Variants in ERCC6L2 observed in about 807,000 individuals in gnomAD.
The protein encoded by ERCC6L2 is ERCC excision repair 6 like 2, also known as DNA excision repair protein ERCC-6-like 2.
A neutral mutation model predicts 132.0 loss-of-function variants in ERCC6L2; 77 were observed. The observed-to-expected ratio is 0.58, with a 90% CI of 0.49 to 0.71. The LOEUF is 0.71. Among genes scored for constraint, ERCC6L2 ranks in the 30% least tolerant of loss-of-function variants. The pLI, the probability that ERCC6L2 is intolerant of heterozygous loss-of-function variation, is 0.00. For missense variants in ERCC6L2, 1,542 were observed against 1,837.6 expected (o/e 0.84, Z 2.94); for synonymous variants, 583 against 632.4 (o/e 0.92, Z 1.17).
chr9:95,889,535 C>T (rs890944242), intron 2 of ERCC6L2, among the ~76,000 whole-genome samples: 13 of 151,972 alleles, frequency 8.6e-5, no homozygotes, highest in African/African-American at 2.7e-4. Flanking sequence ...CTGTAAAATG[C>T]ACAGATCTCA....
chr9:95,913,381 G>T (rs1272389977), intron 4 of ERCC6L2, among the ~76,000 whole-genome samples: 1 of 152,174 alleles, frequency 6.6e-6, no homozygotes, highest in East Asian at 1.9e-4. Context: ...AATTTTTGGA[G>T]TAAGAAGTTA....
intron 11 of ERCC6L2, among the ~76,000 whole-genome samples, chr9:95,940,991 A>G (rs148943853): frequency 9.9e-5 from 15 of 152,126 alleles, no homozygotes; most frequent in Non-Finnish European, 1.9e-4. Context: ...TAGCCTGCCT[A>G]TCTTCTCTGT....
chr9:96,004,283 A>G (rs941013434), intron 17 of ERCC6L2, among the ~76,000 whole-genome samples: 27 of 152,208 alleles, frequency 1.8e-4, no homozygotes, highest in African/African-American at 6.3e-4. Flanking sequence ...AGTCTTGACA[A>G]TGGAAATAAC....
rs754398577 is a variant in ERCC6L2 at position 96,014,792 on chromosome 9, C to G, written c.*1589C>G. On this transcript the variant is annotated 3_prime_UTR_variant, in exon 19 of 19. Coordinates refer to ENST00000653738, the MANE Select transcript of ERCC6L2 (RefSeq NM_020207.7). ...AGACTTACCAGATGGTATGTTTTGC[C>G]ATTGAGGGGCCTTCTACACAATGAG... 2.6e-5 allele frequency among the ~76,000 whole-genome samples: 4 copies of G among 152,090 alleles called. No individual in the cohort carries two copies.
intron 11 of ERCC6L2, among the ~76,000 whole-genome samples, chr9:95,934,218 C>G (rs1365486390): frequency 6.6e-6 from 1 of 152,108 alleles, no homozygotes; most frequent in East Asian, 1.9e-4. Context: ...AAAAATTTAT[C>G]ATCGTTGTCT....
chr9:96,033,920 C>T (rs77833128), intron 19 of ERCC6L2, among the ~76,000 whole-genome samples: 3 of 152,344 alleles, frequency 2.0e-5, no homozygotes, highest in African/African-American at 7.2e-5. Context: ...AGACCATCAC[C>T]TGCCTGGTGC....
intron 2 of ERCC6L2, among the ~76,000 whole-genome samples, chr9:95,882,875 A>G (rs925658568): frequency 6.6e-6 from 1 of 152,190 alleles, no homozygotes; most frequent in African/African-American, 2.4e-5. Flanking sequence ...CGTTTATTCC[A>G]CAAACTATCA....
Position 96,015,015 on chromosome 9 carries a change from G to GTTTTTTTTTTTTTTTTTTTTTTTTT in ERCC6L2, c.*1813_*1837dup. Reference sequence around the variant, plus strand: ...GCTCTATAGTCTTCATATATGTACAGTTTTTTTTTTTTTTTTTTTTTTTTT... The same window carrying GTTTTTTTTTTTTTTTTTTTTTTTTT: ...GCTCTATAGTCTTCATATATGTACAGTTTTTTTTTTTTTTTTTTTTTTTTTTTTTTTTTTTTTTTTTTTTTTTTTT... On this transcript the variant is annotated 3_prime_UTR_variant, in exon 19 of 19. Coordinates refer to ENST00000653738, the MANE Select transcript of ERCC6L2 (RefSeq NM_020207.7). 1.5e-5 allele frequency among the ~76,000 whole-genome samples: 1 copy of GTTTTTTTTTTTTTTTTTTTTTTTTT among 65,426 alleles called. No homozygotes were observed. Among genetic ancestry groups the GTTTTTTTTTTTTTTTTTTTTTTTTT allele is most frequent in the Non-Finnish European group, 2.6e-5 (1 of 37,998 alleles). The allele number at this position is 65,426 out of a possible 152,430, so 42.9% of individuals were successfully genotyped here. A position where few individuals can be genotyped will look rare whatever the true frequency, so the allele number is the denominator to read the frequency against.
intron 4 of ERCC6L2, 147 bp from the exon 5 acceptor site, chr9:95,915,521 A>C (rs181662770): frequency 1.3e-6 from 1 of 749,994 alleles, no homozygotes; most frequent in Non-Finnish European, 2.1e-6. Flanking sequence ...CCATTTAACT[A>C]AGTGGGTAAG....
At chr9:95,901,384 A>G (rs1374383228) in intron 3 of ERCC6L2, among the ~76,000 whole-genome samples, 4 of 152,148 alleles carry the variant, frequency 2.6e-5, no homozygotes, top group Non-Finnish European at 5.9e-5. Context: ...TTTAGAAAAT[A>G]TATATACAGT....
rs142906169 is a variant in ERCC6L2, at chr9:95,907,196, G to A, written c.713G>A (p.Arg238His). Residue 238 changes from arginine to histidine, a missense_variant, in exon 4 of 19, where the codon CGT becomes CAT. By Grantham distance (29) the Arg-to-His change is conservative (BLOSUM62 0). Transcript: ENST00000653738. ...HGNRKDNELI[R>H]VKQRKCEIAL... ...AACAGAAAAGATAATGAATTAATTC[G>A]TGTAAAGCAGAGGAAATGTGAAATT... 30 of 1,613,344 alleles carry A rather than the reference G, an allele frequency of 1.9e-5. No homozygotes were observed. The highest frequency in any genetic ancestry group is 1.2e-4 in the African/African-American group (9 of 74,870).
At chr9:95,982,625 G>A (rs751624162) in intron 17 of ERCC6L2, among the ~76,000 whole-genome samples, 2 of 151,866 alleles carry the variant, frequency 1.3e-5, no homozygotes, top group Non-Finnish European at 2.9e-5. Flanking sequence ...TTTTCTTTTT[G>A]TAGCTAGACA....
At chr9:96,041,025 CTT>C (rs765316790) in intron 20 of ERCC6L2, among the ~76,000 whole-genome samples, 2 of 152,180 alleles carry the variant, frequency 1.3e-5, no homozygotes, top group Non-Finnish European at 2.9e-5. Context: ...ACAAGATAAT[CTT>C]TGTCTACCAA....
At chr9:95,916,102 CTG>C in intron 5 of ERCC6L2, 123 bp from the exon 6 acceptor site, 1 of 929,900 alleles carries the variant, frequency 1.1e-6, no homozygotes, top group South Asian at 1.7e-5. Context: ...AAAGAACATT[CTG>C]TTTTCTTGGC....
chr9:95,987,745 C>T (rs541400912), intron 17 of ERCC6L2, among the ~76,000 whole-genome samples: 35 of 152,320 alleles, frequency 2.3e-4, no homozygotes, highest in Non-Finnish European at 4.4e-4. Flanking sequence ...CTCCACTAGG[C>T]AGTGCCCTAT....
chr9:95,905,838 G>A (rs1829007766), intron 3 of ERCC6L2, among the ~76,000 whole-genome samples: 3 of 152,158 alleles, frequency 2.0e-5, no homozygotes, highest in Non-Finnish European at 4.4e-5. Context: ...GCAGAATTTA[G>A]AGCAGTATTG....
chr9:95,928,190 A>C, intron 10 of ERCC6L2, 40 bp downstream of exon 10: 22 of 1,420,814 alleles, frequency 1.5e-5, no homozygotes, highest in Non-Finnish European at 2.0e-5. Context: ...GGCCAGCCTC[A>C]ACTTTTGAGG....
chr9:95,978,141 T>C lies in ERCC6L2; in HGVS notation c.3418T>C (p.Trp1140Arg). The change falls in exon 17 of 19, where the codon TGG (tryptophan) becomes CGG (arginine). Residue 1140 changes from tryptophan (W) to arginine (R), a missense_variant. Coordinates refer to ENST00000653738, the MANE Select transcript of ERCC6L2 (RefSeq NM_020207.7). ...CAAAGCTGAAAATCACATGAGCCGA[T>C]GGGCAGCACATGACGTATTTGAGTT... ...SSKAENHMSR[W>R]AAHDVFELKQ... 7.3e-7 allele frequency: 1 copy of C among 1,367,442 alleles called. No homozygotes were observed. Among genetic ancestry groups the C allele is most frequent in the Non-Finnish European group, 9.8e-7 (1 of 1,021,784 alleles). 84.7% of individuals were successfully genotyped at this position (1,367,442 alleles called of 1,614,324 possible). A position where few individuals can be genotyped will look rare whatever the true frequency, so the allele number is the denominator to read the frequency against.
chr9:95,946,914 T>C (rs1368575967), intron 12 of ERCC6L2, among the ~76,000 whole-genome samples: 1 of 152,136 alleles, frequency 6.6e-6, no homozygotes, highest in Non-Finnish European at 1.5e-5. Flanking sequence ...TGAACTTAAT[T>C]GGTAGATGTG....
Sources: allele counts gnomAD v4.1 joint callset (sites outside exome capture counted in the v4.1 genomes callset), GRCh38; gene constraint gnomAD v4.1.1; transcripts MANE v1.5; gene names NCBI Gene and HGNC (gene_info 2026-07-23, HGNC 2026-07-21).